The following RAB3IP variants were observed in gnomAD, a reference collection of about 807,000 sequenced individuals.
RAB3IP encodes rab-3A-interacting protein.
In RAB3IP, 36 loss-of-function variants were observed where a neutral mutation model predicts 59.1. The observed-to-expected ratio is 0.61, with a 90% CI of 0.47 to 0.80. The LOEUF is 0.80. RAB3IP is among the 30% of genes least tolerant of loss of function. RAB3IP has a pLI of 0.00. For missense variants in RAB3IP, 511 were observed against 536.0 expected (o/e 0.95, Z 0.46); for synonymous variants, 207 against 191.2 (o/e 1.08, Z -0.68).
In RAB3IP at chr12:69,815,447, T is replaced by TGC; in HGVS notation, c.*2_*3dup. 1 of 1,603,998 alleles carries TGC rather than the reference T, an allele frequency of 6.2e-7. No individual in the cohort carries two copies. Among genetic ancestry groups the TGC allele is most frequent in the Middle Eastern group, 1.7e-4 (1 of 6,030 alleles). On this transcript the variant is annotated 3_prime_UTR_variant, in exon 11 of 11. Transcript: ENST00000247833. ...GGGTTATTTCAAAGAGGAACTCTGATGCTCTGCGTGGGACCATGCCTGAAC... is the reference window on the plus strand; with the variant it reads ...GGGTTATTTCAAAGAGGAACTCTGATGCGCTCTGCGTGGGACCATGCCTGAAC...
intron 8 of RAB3IP, among the ~76,000 whole-genome samples, chr12:69,808,380 G>A (rs960726991): frequency 1.3e-5 from 2 of 152,222 alleles, no homozygotes; most frequent in Admixed American, 6.5e-5. Flanking sequence ...GATTTGGGGT[G>A]GAGAGTTCTG....
chr12:69,815,312 TAATG>T, intron 10 of RAB3IP, 48 bp from the exon 11 acceptor site: 3 of 1,288,458 alleles, frequency 2.3e-6, no homozygotes, highest in Admixed American at 1.7e-5. Flanking sequence ...ACATTAAAAA[TAATG>T]AAGATGGTAT....
chr12:69,780,078 C>T (rs1454558525), intron 3 of RAB3IP, among the ~76,000 whole-genome samples: 2 of 152,224 alleles, frequency 1.3e-5, no homozygotes, highest in East Asian at 1.9e-4. Flanking sequence ...ATTTTTACCA[C>T]GAAGATGACA....
At position 69,768,044 on chromosome 12, in the gene RAB3IP, G is replaced by T. The variant is rs190201304; in HGVS notation, c.510+11381G>T. 6.6e-5 allele frequency among the ~76,000 whole-genome samples: 10 copies of T among 152,024 alleles called. No homozygotes were observed. The East Asian group carries it at 1.9e-3, about 30-fold the overall frequency. Reference sequence around the variant, plus strand: ...CTCCACCAGGATATCTGCACAGGAAGGGTGGTGGAGCAGCTCAAGCTTCTG... The same window carrying T: ...CTCCACCAGGATATCTGCACAGGAATGGTGGTGGAGCAGCTCAAGCTTCTG... On this transcript the variant is annotated intron_variant, in intron 3 of 10. Transcript: ENST00000247833.
intron 4 of RAB3IP, among the ~76,000 whole-genome samples, chr12:69,793,048 T>C (rs1360108150): frequency 1.3e-5 from 2 of 152,006 alleles, no homozygotes; most frequent in African/African-American, 2.4e-5. Flanking sequence ...TTTTAAAACA[T>C]TGCCAGATAG....
At chr12:69,739,594 C>G (rs1887065954) in intron 1 of RAB3IP, 1 of 579,506 alleles carries the variant, frequency 1.7e-6, no homozygotes, top group African/African-American at 1.9e-5. Flanking sequence ...GCGTAGAGGT[C>G]ACCCTCGGGA....
intron 6 of RAB3IP, among the ~76,000 whole-genome samples, chr12:69,799,150 T>C (rs1442547720): frequency 6.6e-6 from 1 of 152,222 alleles, no homozygotes; most frequent in African/African-American, 2.4e-5. Flanking sequence ...ATTGCCCTTA[T>C]ACACCTTAAA....
chr12:69,753,638 C>T (rs1468140467), intron 1 of RAB3IP, among the ~76,000 whole-genome samples: 2 of 152,108 alleles, frequency 1.3e-5, no homozygotes, highest in Non-Finnish European at 2.9e-5. Flanking sequence ...TATGAGCCAC[C>T]AAGCCTGACC....
intron 3 of RAB3IP, among the ~76,000 whole-genome samples, chr12:69,781,473 A>G (rs986438105): frequency 1.3e-5 from 2 of 152,170 alleles, no homozygotes; most frequent in African/African-American, 2.4e-5. Context: ...GTCTACCATG[A>G]TAGTATCTTA....
intron 8 of RAB3IP, chr12:69,812,140 CAAG>C (rs1261683551): frequency 1.3e-5 from 2 of 152,300 alleles, no homozygotes; most frequent in Non-Finnish European, 2.9e-5. Flanking sequence ...TCCCTGCCCT[CAAG>C]AGGTTGATAG....
intron 10 of RAB3IP, among the ~76,000 whole-genome samples, chr12:69,814,395 G>T (rs1319623476): frequency 6.6e-6 from 1 of 151,984 alleles, no homozygotes; most frequent in Non-Finnish European, 1.5e-5. Context: ...TTGTAAACAG[G>T]TATTAGTCTT....
At chr12:69,784,618 A>G (rs1875322102) in intron 3 of RAB3IP, 102 bp from the exon 4 acceptor site, 2 of 469,266 alleles carry the variant, frequency 4.3e-6, no homozygotes, top group Admixed American at 8.1e-5. Context: ...GTCAGAAGTG[A>G]CAGTATTCAT....
intron 10 of RAB3IP, 64 bp downstream of exon 10, chr12:69,813,097 T>A: frequency 8.2e-7 from 1 of 1,221,370 alleles, no homozygotes; most frequent in Non-Finnish European, 1.2e-6. Flanking sequence ...TAAGTAAAGT[T>A]CAACAAAAAG....
At chr12:69,800,470 C>A in intron 7 of RAB3IP, 133 bp downstream of exon 7, 4 of 552,576 alleles carry the variant, frequency 7.2e-6, no homozygotes, top group Non-Finnish European at 8.8e-6. Context: ...GCTATTTTTG[C>A]CATTCCGTAC....
chr12:69,790,280 T>A (rs954279830), intron 4 of RAB3IP, among the ~76,000 whole-genome samples: 4 of 152,110 alleles, frequency 2.6e-5, no homozygotes, highest in Non-Finnish European at 5.9e-5. Context: ...GAAAAGGAAT[T>A]TAAGAGAACA....
chr12:69,768,281 G>A lies in RAB3IP; in HGVS notation c.510+11618G>A, dbSNP rs115163812. Among the ~76,000 whole-genome samples the A allele has an allele frequency of 3.2e-3, 492 of 152,244 alleles. 5 individuals carry two copies. The highest frequency in any genetic ancestry group is 0.011 in the African/African-American group (441 of 41,546). On this transcript the variant is annotated intron_variant, in intron 3 of 10. Coordinates refer to ENST00000247833, the MANE Select transcript of RAB3IP (RefSeq NM_022456.5). The stretch of plus-strand genomic sequence containing the variant: ...CAGTCTATGTCCAGGAAAGGGTAGG[G>A]TGGTTCAGGCTACTGATTCAGGTGA...
In RAB3IP at chr12:69,820,553, G is replaced by GAA. The variant is rs34028619; in HGVS notation, c.*5127_*5128dup. 3,228 of 99,344 alleles carry GAA rather than the reference G, an allele frequency of 0.032. 159 individuals are homozygous for GAA. Among genetic ancestry groups the GAA allele is most frequent in the African/African-American group, 0.095 (2,721 of 28,682 alleles). 6.2% of individuals were successfully genotyped at this position (99,344 alleles called of 1,614,324 possible). A position where few individuals can be genotyped will look rare whatever the true frequency, so the allele number is the denominator to read the frequency against. ...TTTGAGTGGCTTCCCATTGCACTTA[G>GAA]AAAAAAAAAAAAAAAAAAAAACTGG... On this transcript the variant is annotated 3_prime_UTR_variant, in exon 11 of 11. Transcript: ENST00000247833.
At chr12:69,797,465 T>C (rs1264396701) in intron 6 of RAB3IP, among the ~76,000 whole-genome samples, 1 of 144,452 alleles carries the variant, frequency 6.9e-6, no homozygotes, top group African/African-American at 2.6e-5. Flanking sequence ...TTATGTCCTT[T>C]TTCTTTTCTT....
At position 69,819,605 on chromosome 12, in the gene RAB3IP, G is replaced by A. The variant is rs1881486198; in HGVS notation, c.*4159G>A. ...GCCTGCAAAGACGAAAGGAGGAGCT[G>A]TTAGGAAGAGCAAGGCAACAGAAAA... On this transcript the variant is annotated 3_prime_UTR_variant, in exon 11 of 11. Coordinates refer to ENST00000247833, the MANE Select transcript of RAB3IP (RefSeq NM_022456.5). 6.6e-6 allele frequency: 1 copy of A among 152,410 alleles called. No individual in the cohort carries two copies. 9.4% of individuals were successfully genotyped at this position (152,410 alleles called of 1,614,324 possible). A position where few individuals can be genotyped will look rare whatever the true frequency, so the allele number is the denominator to read the frequency against.
Sources: allele counts gnomAD v4.1 joint callset (sites outside exome capture counted in the v4.1 genomes callset), GRCh38; gene constraint gnomAD v4.1.1; transcripts MANE v1.5; gene names NCBI Gene and HGNC (gene_info 2026-07-23, HGNC 2026-07-21).